RNF166: variants seen among roughly 807,000 people sequenced by gnomAD.
RNF166 encodes E3 ubiquitin-protein ligase RNF166.
In RNF166, 19 loss-of-function variants were observed where a neutral mutation model predicts 29.4. The ratio of observed to expected loss-of-function variants is 0.65; its 90% confidence interval spans 0.45 to 0.95. The LOEUF is 0.95. Ranked by LOEUF, RNF166 falls within the 40% of genes least tolerant of loss-of-function variation. The probability of loss-of-function intolerance (pLI) is 0.00; values close to 1 mark genes in which losing one functional copy is unlikely to be tolerated. For missense variants in RNF166, 347 were observed against 322.1 expected (o/e 1.08, Z -0.59); for synonymous variants, 171 against 134.5 (o/e 1.27, Z -1.88).
In RNF166 at chr16:88,696,524, C is replaced by CTT. The variant is rs35639468; in HGVS notation, c.*1042_*1043dup. The CTT allele has an allele frequency of 5.0e-6, 2 of 398,460 alleles. No individual in the cohort carries two copies. Among genetic ancestry groups the CTT allele is most frequent in the Admixed American group, 3.2e-5 (1 of 30,896 alleles). 24.7% of individuals were successfully genotyped at this position (398,460 alleles called of 1,614,324 possible). A position where few individuals can be genotyped will look rare whatever the true frequency, so the allele number is the denominator to read the frequency against. On this transcript the variant is annotated 3_prime_UTR_variant, in exon 6 of 6. Transcript: ENST00000312838. ...GATGCTCTGAGACATTTTATTTAAA[C>CTT]TTTTTTTTTTAAAAAAAAGACAGCA...
At chr16:88,698,091 G>A in intron 5 of RNF166, 2 of 575,702 alleles carry the variant, frequency 3.5e-6, no homozygotes, top group Non-Finnish European at 3.1e-6. Context: ...GCGAGGGTCT[G>A]CAGGCCCGGG....
intron 1 of RNF166, chr16:88,703,256 T>C (rs1910447197): frequency 1.0e-6 from 1 of 977,834 alleles, no homozygotes; most frequent in African/African-American, 1.8e-5. Context: ...GCATCGATTG[T>C]TGCATAATTG....
Position 88,706,372 on chromosome 16 carries a change from G to A in RNF166, c.-47C>T, listed in dbSNP as rs1450841562. ...CCCGCCGCCCGCTGTCCTGGCCCGG[G>A]CCGGCCCGCTAGTCACAGCCGCTAC... On this transcript the variant is annotated 5_prime_UTR_variant, in exon 1 of 6. Transcript: ENST00000312838. 4 of 1,217,920 alleles carry A rather than the reference G, an allele frequency of 3.3e-6. No individual in the cohort carries two copies. The highest frequency in any genetic ancestry group is 3.1e-6 in the Non-Finnish European group (3 of 976,792). 75.4% of individuals were successfully genotyped at this position (1,217,920 alleles called of 1,614,324 possible).
intron 1 of RNF166, chr16:88,704,259 A>T: frequency 1.0e-6 from 1 of 985,476 alleles, no homozygotes; most frequent in Non-Finnish European, 1.2e-6. Flanking sequence ...ACAAGAAACA[A>T]AGTTAGAAGC....
In RNF166 at chr16:88,699,654, C is replaced by G; in HGVS notation, c.391G>C (p.Val131Leu). Residue 131 changes from valine (V) to leucine (L), a missense_variant, in exon 3 of 6, where the codon GTC becomes CTC. By Grantham distance (32) the Val-to-Leu change is conservative. Transcript: ENST00000312838. ...QEQMANCPKF[V>L]PVVPTSQPIP... ...GGCTGTGATGTGGGCACCACGGGGACGAACTTGGGGCAGTTGGCCATCTGC... is the reference window on the plus strand; with the variant it reads ...GGCTGTGATGTGGGCACCACGGGGAGGAACTTGGGGCAGTTGGCCATCTGC... The G allele has an allele frequency of 6.2e-7, 1 of 1,613,450 alleles. No homozygotes were observed. The highest frequency in any genetic ancestry group is 8.5e-7 in the Non-Finnish European group (1 of 1,179,856).
intron 1 of RNF166, chr16:88,704,009 C>G: frequency 1.0e-6 from 1 of 985,456 alleles, no homozygotes; most frequent in Non-Finnish European, 1.2e-6. Flanking sequence ...CAGACTGTCC[C>G]CTGGCTGAGA....
At chr16:88,698,638 C>A (rs765547193) in intron 4 of RNF166, 29 bp from the exon 5 acceptor site, 1 of 1,470,886 alleles carries the variant, frequency 6.8e-7, no homozygotes, top group Non-Finnish European at 9.1e-7. Context: ...TCAAGCCGAG[C>A]CGGACCGCGG....
chr16:88,703,048 G>A (rs779279853), intron 1 of RNF166: 9 of 985,510 alleles, frequency 9.1e-6, no homozygotes, highest in African/African-American at 1.7e-5. Flanking sequence ...GAAGAGGCGT[G>A]CAGCCCCACC....
At chr16:88,697,654 T>G (rs2142619384) in intron 5 of RNF166, 21 bp from the exon 6 acceptor site, 1 of 1,537,548 alleles carries the variant, frequency 6.5e-7, no homozygotes, top group South Asian at 1.2e-5. Context: ...GAAGGAGAGA[T>G]GCACCGGGCT....
chr16:88,705,520 C>G (rs920126421), intron 1 of RNF166, among the ~76,000 whole-genome samples: 1 of 152,218 alleles, frequency 6.6e-6, no homozygotes, highest in African/African-American at 2.4e-5. Flanking sequence ...GTTTCTGTTC[C>G]TGAAACACCC....
At position 88,697,113 on chromosome 16, in the gene RNF166, A is replaced by G. The variant is rs189002989; in HGVS notation, c.*455T>C. 115 of 166,670 alleles carry G rather than the reference A, an allele frequency of 6.9e-4. 1 individual carries two copies. The highest frequency in any genetic ancestry group is 2.7e-3 in the African/African-American group (114 of 41,754). 10.3% of individuals were successfully genotyped at this position (166,670 alleles called of 1,614,324 possible). On this transcript the variant is annotated 3_prime_UTR_variant, in exon 6 of 6. Coordinates refer to ENST00000312838, the MANE Select transcript of RNF166 (RefSeq NM_178841.4). The stretch of plus-strand genomic sequence containing the variant: ...ATATAGAAAAGATGCCAGGGTTCCT[A>G]AGTATCACAAAAGCCAGTACCAAAT...
At chr16:88,703,862 C>T (rs1291839844) in intron 1 of RNF166, 1 of 985,356 alleles carries the variant, frequency 1.0e-6, no homozygotes, top group East Asian at 1.1e-4. Flanking sequence ...ATCTGCCTGG[C>T]TGGCAGGCCA....
At chr16:88,698,273 T>C (rs1014273339) in intron 5 of RNF166, 15 of 696,558 alleles carry the variant, frequency 2.2e-5, no homozygotes, top group Non-Finnish European at 3.1e-5. Context: ...GTGCGGTCCA[T>C]GTCCCCGAGA....
In RNF166 at chr16:88,701,576, C is replaced by T. The variant is rs554619046; in HGVS notation, c.156-158G>A. On this transcript the variant is annotated intron_variant, in intron 1 of 5. Coordinates refer to ENST00000312838, the MANE Select transcript of RNF166 (RefSeq NM_178841.4). The stretch of plus-strand genomic sequence containing the variant: ...CTCTGGAGATGGTCACTCCTATGTC[C>T]GGGGCCCACCAGCTGGATGGGCCCC... The T allele has an allele frequency of 1.6e-4, 110 of 684,030 alleles. 1 individual carries two copies. In the South Asian group the frequency reaches 1.8e-3, roughly 11 times the overall value. 42.4% of individuals were successfully genotyped at this position (684,030 alleles called of 1,614,324 possible).
At chr16:88,705,999 G>A (rs566191796) in intron 1 of RNF166, among the ~76,000 whole-genome samples, 172 bp downstream of exon 1, 3 of 152,048 alleles carry the variant, frequency 2.0e-5, no homozygotes, top group African/African-American at 7.2e-5. Context: ...GCGCCCAGAG[G>A]GCAGAGGCGG....
chr16:88,699,096 G>C lies in RNF166; in HGVS notation c.426-11C>G, dbSNP rs770292556. 7.0e-5 allele frequency: 111 copies of C among 1,576,304 alleles called. No homozygotes were observed. The highest frequency in any genetic ancestry group is 9.1e-5 in the Non-Finnish European group (105 of 1,154,096). Reference sequence around the variant, plus strand: ...CTGTTGGGGATGTTGCTGGCGGGGCGGGGGTAGAGTGAGTGGCACGGCTAG... The same window carrying C: ...CTGTTGGGGATGTTGCTGGCGGGGCCGGGGTAGAGTGAGTGGCACGGCTAG... On this transcript the variant is annotated splice_polypyrimidine_tract_variant and intron_variant, in intron 3 of 5. Coordinates refer to ENST00000312838, the MANE Select transcript of RNF166 (RefSeq NM_178841.4).
chr16:88,703,587 C>T lies in RNF166; in HGVS notation c.156-2169G>A, dbSNP rs1018246684. The stretch of plus-strand genomic sequence containing the variant: ...CGGCCTAGTTTCCAGTGACTGCCAG[C>T]CTGGTGTTCAGAGAGCCAGCAGCCG... On this transcript the variant is annotated intron_variant, in intron 1 of 5. Coordinates refer to ENST00000312838, the MANE Select transcript of RNF166 (RefSeq NM_178841.4). 3.0e-6 allele frequency: 3 copies of T among 985,362 alleles called. No homozygotes were observed. The African/African-American group carries it at 5.2e-5, about 17-fold the overall frequency. The allele number at this position is 985,362 out of a possible 1,614,324, so 61.0% of individuals were successfully genotyped here.
At chr16:88,697,935 T>G (rs1177181306) in intron 5 of RNF166, 3 of 478,474 alleles carry the variant, frequency 6.3e-6, no homozygotes, top group East Asian at 7.5e-5. Context: ...CTCCCTGACC[T>G]CTAACAATTT....
intron 1 of RNF166, chr16:88,703,624 C>T (rs968865965): frequency 2.9e-5 from 29 of 985,536 alleles, no homozygotes; most frequent in South Asian, 2.8e-4. Context: ...GAGTAGTGCC[C>T]GCTTCCCCCA....
Sources: allele counts gnomAD v4.1 joint callset (sites outside exome capture counted in the v4.1 genomes callset), GRCh38; gene constraint gnomAD v4.1.1; transcripts MANE v1.5; gene names NCBI Gene and HGNC (gene_info 2026-07-23, HGNC 2026-07-21).